The following PTK2 variants were observed in gnomAD, a reference collection of about 807,000 sequenced individuals.
The protein encoded by PTK2 is protein tyrosine kinase 2, also known as focal adhesion kinase 1.
In PTK2, 45 loss-of-function variants were observed where a neutral mutation model predicts 150.1. The observed-to-expected ratio is 0.30, with a 90% CI of 0.24 to 0.38. The LOEUF (loss-of-function observed/expected upper bound fraction) is 0.38, where lower values mean the gene tolerates loss of function less well. Among genes scored for constraint, PTK2 ranks in the 10% least tolerant of loss-of-function variants. The pLI is 1.00. For missense variants in PTK2, 919 were observed against 1,307.3 expected, an observed-to-expected ratio of 0.70 and a Z score of 4.58; for synonymous variants, 432 against 449.2, an observed-to-expected ratio of 0.96 and a Z score of 0.48.
At chr8:140,946,594 C>T (rs2100177779) in intron 1 of PTK2, among the ~76,000 whole-genome samples, 2 of 152,148 alleles carry the variant, frequency 1.3e-5, no homozygotes, top group South Asian at 4.1e-4. Flanking sequence ...CGGACAGGAG[C>T]CTGTGGTTTC....
At chr8:140,847,284 A>T (rs893183305) in intron 5 of PTK2, among the ~76,000 whole-genome samples, 3 of 152,230 alleles carry the variant, frequency 2.0e-5, no homozygotes, top group Non-Finnish European at 2.9e-5. Flanking sequence ...TCTAACCATC[A>T]ATTTTAAGTG....
At chr8:140,999,471 C>G (rs2100199160) in intron 1 of PTK2, among the ~76,000 whole-genome samples, 1 of 152,182 alleles carries the variant, frequency 6.6e-6, no homozygotes, top group Non-Finnish European at 1.5e-5. Flanking sequence ...AGGATAACCA[C>G]AAATACAAAA....
chr8:140,890,907 C>G, intron 2 of PTK2, 138 bp from the exon 3 acceptor site: 1 of 688,788 alleles, frequency 1.5e-6, no homozygotes, highest in South Asian at 2.0e-5. Flanking sequence ...AGAATAGAGA[C>G]CTAATCCACT....
At chr8:140,759,994 CAGGCGGATCACA>C (rs544107399) in intron 16 of PTK2, among the ~76,000 whole-genome samples, 70 of 152,214 alleles carry the variant, frequency 4.6e-4, no homozygotes, top group African/African-American at 1.6e-3. Flanking sequence ...GAGGCCGAGG[CAGGCGGATCACA>C]AGGTCAAGAG....
At chr8:140,660,254 A>G (rs919036088) in intron 31 of PTK2, among the ~76,000 whole-genome samples, 3 of 152,210 alleles carry the variant, frequency 2.0e-5, no homozygotes, top group African/African-American at 7.2e-5. Context: ...GAGATCATCT[A>G]TTCCAAACAC....
At chr8:140,928,572 TAAAC>T (rs1478306298) in intron 1 of PTK2, among the ~76,000 whole-genome samples, 1 of 152,152 alleles carries the variant, frequency 6.6e-6, no homozygotes, top group Non-Finnish European at 1.5e-5. Flanking sequence ...CATCCACAAA[TAAAC>T]AACATGTGGT....
chr8:140,677,099 ATTT>A (rs1480632420), intron 27 of PTK2, among the ~76,000 whole-genome samples: 1 of 152,098 alleles, frequency 6.6e-6, no homozygotes, highest in Non-Finnish European at 1.5e-5. Flanking sequence ...AAAATTTGAA[ATTT>A]TCTTATATGG....
At chr8:140,759,792 A>G (rs1022311875) in intron 16 of PTK2, among the ~76,000 whole-genome samples, 4 of 152,024 alleles carry the variant, frequency 2.6e-5, no homozygotes, top group African/African-American at 9.7e-5. Context: ...ACGGTGAGCC[A>G]TGATTGCGTC....
chr8:140,797,368 A>G (rs62524109), intron 12 of PTK2, among the ~76,000 whole-genome samples: 64,283 of 151,962 alleles, frequency 0.42, 14,329 homozygotes, highest in East Asian at 0.56. Context: ...TTCCCCTGTC[A>G]TCATAGCTTT....
intron 1 of PTK2, among the ~76,000 whole-genome samples, chr8:140,939,938 A>G (rs2100175060): frequency 6.6e-6 from 1 of 152,230 alleles, no homozygotes; most frequent in Admixed American, 6.5e-5. Flanking sequence ...CAAATCACCA[A>G]GGAATCATCT....
exon 25 of PTK2, chr8:140,702,651 T>C: frequency 6.2e-7 from 1 of 1,613,994 alleles, no homozygotes; most frequent in Non-Finnish European, 8.5e-7. Flanking sequence ...ATGCCTGACC[T>C]GGATAGATGC....
intron 1 of PTK2, among the ~76,000 whole-genome samples, chr8:140,947,764 G>T (rs945937874): frequency 5.3e-5 from 8 of 152,128 alleles, no homozygotes; most frequent in African/African-American, 1.9e-4. Flanking sequence ...TCTTGATGAG[G>T]CTTTGGGCCT....
chr8:140,967,564 A>G (rs2100185750), intron 1 of PTK2, among the ~76,000 whole-genome samples: 2 of 150,486 alleles, frequency 1.3e-5, no homozygotes, highest in African/African-American at 4.9e-5. Flanking sequence ...AGGTTCAAGC[A>G]ATTCTCCTGC....
intron 1 of PTK2, among the ~76,000 whole-genome samples, chr8:140,948,364 A>G (rs995143030): frequency 1.3e-5 from 2 of 152,226 alleles, no homozygotes; most frequent in Non-Finnish European, 2.9e-5. Flanking sequence ...ACAAAATATG[A>G]GGCAGAACAG....
intron 16 of PTK2, among the ~76,000 whole-genome samples, chr8:140,758,385 C>A (rs1316557411): frequency 2.0e-5 from 3 of 152,150 alleles, no homozygotes; most frequent in Non-Finnish European, 4.4e-5. Flanking sequence ...ACAGCACCAG[C>A]CCCTTCTACT....
chr8:140,784,242 T>G (rs1047675825), intron 14 of PTK2, among the ~76,000 whole-genome samples: 1 of 152,178 alleles, frequency 6.6e-6, no homozygotes, highest in Non-Finnish European at 1.5e-5. Flanking sequence ...AAAAGATCAC[T>G]GCATTGGTGT....
chr8:140,733,408 AGAGAAAATGG>A (rs1361621798), intron 22 of PTK2, among the ~76,000 whole-genome samples: 1 of 152,196 alleles, frequency 6.6e-6, no homozygotes, highest in Non-Finnish European at 1.5e-5. Context: ...AAGAGTAATG[AGAGAAAATGG>A]GAGAAAATAA....
At chr8:140,777,985 G>C (rs2100079403) in intron 14 of PTK2, among the ~76,000 whole-genome samples, 1 of 152,180 alleles carries the variant, frequency 6.6e-6, no homozygotes, top group Admixed American at 6.5e-5. Context: ...CATCTTTGGA[G>C]AGGCATATTT....
intron 31 of PTK2, chr8:140,660,715 G>C: frequency 2.3e-6 from 1 of 433,690 alleles, no homozygotes; most frequent in South Asian, 1.7e-5. Context: ...GACAGAGCCA[G>C]ACCATTATGT....
Sources: allele counts gnomAD v4.1 joint callset (sites outside exome capture counted in the v4.1 genomes callset), GRCh38; gene constraint gnomAD v4.1.1; transcripts MANE v1.5; gene names NCBI Gene and HGNC (gene_info 2026-07-23, HGNC 2026-07-21).